The following MAGI2 variants were observed in gnomAD, a reference collection of about 807,000 sequenced individuals.
MAGI2 encodes membrane associated guanylate kinase, WW and PDZ domain containing 2, also known as membrane-associated guanylate kinase, WW and PDZ domain-containing protein 2.
Under a neutral mutation model 133.3 loss-of-function variants are expected in MAGI2, and 35 were observed. The ratio of observed to expected loss-of-function variants is 0.26; its 90% CI spans 0.20 to 0.35. MAGI2 has a LOEUF of 0.35. MAGI2 is among the 10% of genes least tolerant of loss of function. The pLI is 1.00. For synonymous variants in MAGI2, 729 were observed against 710.6 expected, an observed-to-expected ratio of 1.03 and a Z score of -0.41; for missense variants, 1,636 against 1,863.4, an observed-to-expected ratio of 0.88 and a Z score of 2.25.
At chr7:78,555,942 A>G (rs146395582) in intron 3 of MAGI2, among the ~76,000 whole-genome samples, 14 of 152,340 alleles carry the variant, frequency 9.2e-5, no homozygotes, top group African/African-American at 3.4e-4. Context: ...ATAATGCAAA[A>G]TGTTTTGAGA....
At chr7:79,248,505 T>C (rs898659364) in intron 1 of MAGI2, among the ~76,000 whole-genome samples, 45 of 152,292 alleles carry the variant, frequency 3.0e-4, no homozygotes, top group Middle Eastern at 6.8e-3. Context: ...ATCTGCACTA[T>C]AGACCGAATG....
In MAGI2 at chr7:79,286,509, G is replaced by GA. The variant is rs1019883230; in HGVS notation, c.301+166510dup. Among the ~76,000 whole-genome samples, 36 of 151,960 alleles carry GA rather than the reference G, an allele frequency of 2.4e-4. No homozygotes were observed. The East Asian group carries it at 3.3e-3, about 14-fold the overall frequency. On this transcript the variant is annotated intron_variant, in intron 1 of 21. Coordinates refer to ENST00000354212, the MANE Select transcript of MAGI2 (RefSeq NM_012301.4). ...CAAGAAAGAAAGGGTGAATATGGGGGAAAAAATCAATCAATGATGCAAATT... is the reference window on the plus strand; with the variant it reads ...CAAGAAAGAAAGGGTGAATATGGGGGAAAAAAATCAATCAATGATGCAAATT...
intron 4 of MAGI2, among the ~76,000 whole-genome samples, chr7:78,516,539 C>G (rs1221534714): frequency 6.6e-6 from 1 of 151,974 alleles, no homozygotes; most frequent in Non-Finnish European, 1.5e-5. Context: ...TTTTTGTAGA[C>G]ACAGGATTTT....
At chr7:78,340,742 G>A (rs766478379) in intron 9 of MAGI2, among the ~76,000 whole-genome samples, 13 of 152,034 alleles carry the variant, frequency 8.6e-5, no homozygotes, top group South Asian at 6.2e-4. Flanking sequence ...AAAGGCCTTC[G>A]AGAAAATTCA....
At chr7:79,096,781 A>G (rs1446989717) in intron 1 of MAGI2, among the ~76,000 whole-genome samples, 2 of 152,194 alleles carry the variant, frequency 1.3e-5, no homozygotes, top group African/African-American at 2.4e-5. Context: ...CACTTCTGCT[A>G]CCCCTTCCTC....
At chr7:79,378,950 A>ATATG (rs1563168325) in intron 1 of MAGI2, among the ~76,000 whole-genome samples, 1 of 70,898 alleles carries the variant, frequency 1.4e-5, no homozygotes, top group Non-Finnish European at 2.8e-5. Context: ...ATATATATAT[A>ATATG]TATATATATA....
chr7:78,598,259 C>T (rs530649255), intron 3 of MAGI2, among the ~76,000 whole-genome samples: 1 of 151,988 alleles, frequency 6.6e-6, no homozygotes, highest in Non-Finnish European at 1.5e-5. Flanking sequence ...TGAAAACTTG[C>T]AATAAAGTGT....
intron 1 of MAGI2, among the ~76,000 whole-genome samples, chr7:79,129,065 T>C (rs1820685038): frequency 6.6e-6 from 1 of 152,120 alleles, no homozygotes; most frequent in East Asian, 1.9e-4. Context: ...GAAACGGGGT[T>C]TCACCATGTT....
At chr7:79,009,219 A>G (rs1381897739) in intron 1 of MAGI2, 1 of 151,542 alleles carries the variant, frequency 6.6e-6, no homozygotes, top group East Asian at 1.9e-4. Context: ...ATCAGTTTAA[A>G]CCTTTTTTTT....
chr7:79,149,102 T>C (rs1253269426), intron 1 of MAGI2, among the ~76,000 whole-genome samples: 7 of 144,460 alleles, frequency 4.8e-5, no homozygotes, highest in Non-Finnish European at 1.1e-4. Context: ...ATATGTAATA[T>C]AATATATTAT....
intron 1 of MAGI2, among the ~76,000 whole-genome samples, chr7:79,406,056 T>C (rs1845786110): frequency 1.3e-5 from 2 of 152,062 alleles, no homozygotes; most frequent in Non-Finnish European, 2.9e-5. Context: ...AATACTCGAA[T>C]AAATATTTAA....
At chr7:78,188,330 A>G (rs1563234795) in intron 12 of MAGI2, among the ~76,000 whole-genome samples, 1 of 152,212 alleles carries the variant, frequency 6.6e-6, no homozygotes, top group Non-Finnish European at 1.5e-5. Context: ...TATCAATATA[A>G]CGGCAAAGTA....
At chr7:79,448,195 G>A (rs1206879901) in intron 1 of MAGI2, among the ~76,000 whole-genome samples, 1 of 151,814 alleles carries the variant, frequency 6.6e-6, no homozygotes, top group Non-Finnish European at 1.5e-5. Flanking sequence ...ATAAAGGGAG[G>A]ATCAGTGGAA....
intron 12 of MAGI2, among the ~76,000 whole-genome samples, chr7:78,189,277 A>G (rs1484598429): frequency 6.6e-6 from 1 of 152,232 alleles, no homozygotes; most frequent in African/African-American, 2.4e-5. Flanking sequence ...TTGATCTGCC[A>G]CAAATGATAA....
chr7:78,565,115 A>G (rs1800814736), intron 3 of MAGI2, among the ~76,000 whole-genome samples: 1 of 151,738 alleles, frequency 6.6e-6, no homozygotes, highest in South Asian at 2.1e-4. Flanking sequence ...TTTCTTCAAC[A>G]ATAAAATGGT....
At chr7:78,369,537 A>G (rs1340033092) in intron 6 of MAGI2, among the ~76,000 whole-genome samples, 1 of 152,078 alleles carries the variant, frequency 6.6e-6, no homozygotes, top group Non-Finnish European at 1.5e-5. Context: ...CTGAAAGTGT[A>G]TATGTTTCTC....
rs946638769 is a variant in MAGI2, at chr7:79,160,512, G to A, written c.302-153306C>T. On this transcript the variant is annotated intron_variant, in intron 1 of 21. Transcript: ENST00000354212. The stretch of plus-strand genomic sequence containing the variant: ...TCTTAAAAAATCTTTACTATAGTGA[G>A]TTGTAAAAATAACCCCTTTAAGAAC... 4.6e-5 allele frequency among the ~76,000 whole-genome samples: 7 copies of A among 152,134 alleles called. No homozygotes were observed. In the East Asian group the frequency reaches 1.2e-3, roughly 25 times the overall value.
intron 18 of MAGI2, among the ~76,000 whole-genome samples, chr7:78,131,514 A>G (rs1368714799): frequency 6.6e-6 from 1 of 152,184 alleles, no homozygotes; most frequent in Non-Finnish European, 1.5e-5. Flanking sequence ...GAGGAGAGGG[A>G]TGGGAAGCAG....
At chr7:78,173,693 G>T (rs915427195) in intron 14 of MAGI2, among the ~76,000 whole-genome samples, 2 of 152,146 alleles carry the variant, frequency 1.3e-5, no homozygotes, top group Non-Finnish European at 2.9e-5. Flanking sequence ...CTGGTTGAAG[G>T]CTCAATTGGC....
Sources: allele counts gnomAD v4.1 joint callset (sites outside exome capture counted in the v4.1 genomes callset), GRCh38; gene constraint gnomAD v4.1.1; transcripts MANE v1.5; gene names NCBI Gene and HGNC (gene_info 2026-07-23, HGNC 2026-07-21).